KCNQ1: variants seen among roughly 807,000 people sequenced by gnomAD.
The protein encoded by KCNQ1 is potassium voltage-gated channel subfamily KQT member 1.
KCNQ1 carries 49 observed loss-of-function variants against 72.4 expected under a neutral mutation model. The observed-to-expected ratio is 0.68, with a 90% CI of 0.54 to 0.86. The LOEUF is 0.86. KCNQ1 is among the 40% of genes least tolerant of loss of function. KCNQ1 has a pLI of 0.00. For missense variants in KCNQ1, 790 were observed against 945.1 expected (o/e 0.84, Z 2.15); for synonymous variants, 450 against 412.6 (o/e 1.09, Z -1.10).
chr11:2,692,142 T>C (rs1035927792), intron 11 of KCNQ1: 8 of 398,582 alleles, frequency 2.0e-5, no homozygotes, highest in Non-Finnish European at 4.4e-6. Context: ...TGAAGGCCCC[T>C]GTCCTTTCAG....
intron 13 of KCNQ1, 51 bp downstream of exon 13, chr11:2,776,105 C>T (rs568156136): frequency 1.2e-5 from 17 of 1,450,842 alleles, no homozygotes; most frequent in African/African-American, 5.6e-5. Flanking sequence ...CTGCCCAGCC[C>T]GGCCCCAGCT....
At chr11:2,709,543 CGT>C (rs1850970536) in intron 11 of KCNQ1, among the ~76,000 whole-genome samples, 3 of 152,070 alleles carry the variant, frequency 2.0e-5, no homozygotes, top group African/African-American at 7.2e-5. Context: ...GTTTTTAGTA[CGT>C]TCAGAGTTGC....
intron 12 of KCNQ1, chr11:2,771,435 T>G (rs1846597584): frequency 6.6e-6 from 1 of 152,250 alleles, no homozygotes; most frequent in African/African-American, 2.4e-5. Flanking sequence ...GTTGGAGCAT[T>G]CGTTGAATAC....
At chr11:2,604,210 G>C (rs1485545029) in intron 10 of KCNQ1, among the ~76,000 whole-genome samples, 2 of 151,818 alleles carry the variant, frequency 1.3e-5, no homozygotes, top group Middle Eastern at 3.2e-3. Flanking sequence ...TGTGTTGGTG[G>C]CTCACACCTG....
At chr11:2,797,358 G>A (rs1847158746) in intron 15 of KCNQ1, among the ~76,000 whole-genome samples, 1 of 152,224 alleles carries the variant, frequency 6.6e-6, no homozygotes, top group Non-Finnish European at 1.5e-5. Flanking sequence ...CCCCCACTGG[G>A]CAGCCAGAGG....
rs1453101308 is a variant in KCNQ1, at chr11:2,599,461, T to G, written c.1393+10607T>G. 1.3e-5 allele frequency among the ~76,000 whole-genome samples: 2 copies of G among 152,222 alleles called. No individual in the cohort carries two copies. Among genetic ancestry groups the G allele is most frequent in the Non-Finnish European group, 2.9e-5 (2 of 68,038 alleles). ...CTGTGATGTTCTCTATCGCTTAAAA[T>G]TCATTTTGTTCAAGAACATAGGTTC... On this transcript the variant is annotated intron_variant, in intron 10 of 15. Coordinates refer to ENST00000155840, the MANE Select transcript of KCNQ1 (RefSeq NM_000218.3). This position sits in a 1 kb window ranked among gnomAD's most constrained non-coding sequence, Gnocchi z 4.7.
chr11:2,675,958 C>A (rs867994213), intron 11 of KCNQ1: 1 of 398,630 alleles, frequency 2.5e-6, no homozygotes. Context: ...ATTCAGAGTA[C>A]AAAAGGGGTG....
chr11:2,789,899 C>T (rs1401786244), intron 15 of KCNQ1, among the ~76,000 whole-genome samples: 2 of 152,164 alleles, frequency 1.3e-5, no homozygotes, highest in Non-Finnish European at 2.9e-5. Context: ...CTGGGAGGAC[C>T]ACCCCCAATC....
In KCNQ1 at chr11:2,704,682, G is replaced by A. The variant is rs180979078; in HGVS notation, c.1514+42601G>A. 4.6e-5 allele frequency among the ~76,000 whole-genome samples: 7 copies of A among 152,340 alleles called. No individual in the cohort carries two copies. Among genetic ancestry groups the A allele is most frequent in the Non-Finnish European group, 1.0e-4 (7 of 68,036 alleles). On this transcript the variant is annotated intron_variant, in intron 11 of 15. Transcript: ENST00000155840. The surrounding 1 kb of genome is among the most constrained non-coding windows in gnomAD (Gnocchi z 4.3). The stretch of plus-strand genomic sequence containing the variant: ...GGACTTGCCGTCACCCAGTGAGAGA[G>A]ATGGGAGGGTTGGAGAAAGCGAGCA...
At chr11:2,583,753 T>C (rs1466488611) in intron 7 of KCNQ1, among the ~76,000 whole-genome samples, 2 of 152,184 alleles carry the variant, frequency 1.3e-5, no homozygotes, top group Non-Finnish European at 2.9e-5. Context: ...CTGGGGTCCT[T>C]GCAGGCAGTG....
Position 2,603,413 on chromosome 11 carries a change from G to T in KCNQ1, c.1393+14559G>T, listed in dbSNP as rs928817003. 2.6e-5 allele frequency among the ~76,000 whole-genome samples: 4 copies of T among 152,116 alleles called. No individual in the cohort carries two copies. Among genetic ancestry groups the T allele is most frequent in the Non-Finnish European group, 5.9e-5 (4 of 68,012 alleles). Reference sequence around the variant, plus strand: ...TTTTTAAAAACACAATATCCACAAAGTGCAAAAAAGTGAAGTGTGCCTGTG... The same window carrying T: ...TTTTTAAAAACACAATATCCACAAATTGCAAAAAAGTGAAGTGTGCCTGTG... On this transcript the variant is annotated intron_variant, in intron 10 of 15. Transcript: ENST00000155840. This position sits in a 1 kb window ranked among gnomAD's most constrained non-coding sequence, Gnocchi z 4.1.
rs1848768968 is a variant in KCNQ1 at position 2,599,209 on chromosome 11, C to T, written c.1393+10355C>T. ...ATATAATATTCAATGAAATAAAATA[C>T]ATGTGACATAATGAAGGCATTATCA... On this transcript the variant is annotated intron_variant, in intron 10 of 15. Transcript: ENST00000155840. The surrounding 1 kb of genome is among the most constrained non-coding windows in gnomAD (Gnocchi z 4.7). Among the ~76,000 whole-genome samples, 1 of 152,154 alleles carries T rather than the reference C, an allele frequency of 6.6e-6. No individual in the cohort carries two copies. The highest frequency in any genetic ancestry group is 1.9e-4 in the East Asian group (1 of 5,192).
Position 2,848,135 on chromosome 11 carries a change from C to T in KCNQ1, c.*132C>T. The T allele has an allele frequency of 2.5e-6, 2 of 794,178 alleles. No individual in the cohort carries two copies. The highest frequency in any genetic ancestry group is 4.2e-6 in the Non-Finnish European group (2 of 472,422). 49.2% of individuals were successfully genotyped at this position (794,178 alleles called of 1,614,324 possible). ...AGCCCCACTCTCAGAGGCCCCAATACCCCATGGACCATGCTGTCTGGCACA... is the reference window on the plus strand; with the variant it reads ...AGCCCCACTCTCAGAGGCCCCAATATCCCATGGACCATGCTGTCTGGCACA... On this transcript the variant is annotated 3_prime_UTR_variant, in exon 16 of 16. Transcript: ENST00000155840.
At chr11:2,705,477 C>T (rs906846762) in intron 11 of KCNQ1, among the ~76,000 whole-genome samples, 68 of 152,114 alleles carry the variant, frequency 4.5e-4, no homozygotes, top group African/African-American at 1.5e-3. Context: ...GTGCCAGGCA[C>T]GGGGGGGTGG....
Position 2,598,078 on chromosome 11 carries a change from T to C in KCNQ1, c.1393+9224T>C, listed in dbSNP as rs760743045. On this transcript the variant is annotated intron_variant, in intron 10 of 15. Coordinates refer to ENST00000155840, the MANE Select transcript of KCNQ1 (RefSeq NM_000218.3). The surrounding 1 kb of genome is among the most constrained non-coding windows in gnomAD (Gnocchi z 6.2). ...CATTAATCTAAGCTTTTATAGCTAT[T>C]AATTCCCTTTTCTTGGCTAACTCTA... 6.6e-5 allele frequency among the ~76,000 whole-genome samples: 10 copies of C among 152,164 alleles called. No individual in the cohort carries two copies. Among genetic ancestry groups the C allele is most frequent in the Non-Finnish European group, 7.4e-5 (5 of 68,022 alleles).
At chr11:2,571,728 G>A (rs549238951) in intron 4 of KCNQ1, among the ~76,000 whole-genome samples, 1 of 152,252 alleles carries the variant, frequency 6.6e-6, no homozygotes, top group South Asian at 2.1e-4. Context: ...GTGACCCAAG[G>A]AGCCCCCCAG....
rs1209518785 is a variant in KCNQ1 at position 2,644,226 on chromosome 11, G to A, written c.1394-17735G>A. The A allele has an allele frequency of 2.3e-5, 9 of 398,234 alleles. No individual in the cohort carries two copies. In the East Asian group the frequency reaches 2.8e-4, roughly 13 times the overall value. 24.7% of individuals were successfully genotyped at this position (398,234 alleles called of 1,614,324 possible). A position where few individuals can be genotyped will look rare whatever the true frequency, so the allele number is the denominator to read the frequency against. ...CTCTTCACCTTCTGGGACACTGAAG[G>A]TGTCACCTTATGGCATCCTATAGTC... On this transcript the variant is annotated intron_variant, in intron 10 of 15. Coordinates refer to ENST00000155840, the MANE Select transcript of KCNQ1 (RefSeq NM_000218.3).
chr11:2,796,310 C>G (rs186080519), intron 15 of KCNQ1, among the ~76,000 whole-genome samples: 5 of 152,182 alleles, frequency 3.3e-5, no homozygotes, highest in African/African-American at 1.2e-4. Flanking sequence ...TTGAGATCAC[C>G]GCCTGGCTAA....
In KCNQ1 at chr11:2,658,734, T is replaced by C. The variant is rs899929474; in HGVS notation, c.1394-3227T>C. The C allele has an allele frequency of 2.1e-4, 84 of 398,498 alleles. 1 individual carries two copies. Among genetic ancestry groups the C allele is most frequent in the Non-Finnish European group, 3.5e-5 (8 of 226,070 alleles). The allele number at this position is 398,498 out of a possible 1,614,324, so 24.7% of individuals were successfully genotyped here. On this transcript the variant is annotated intron_variant, in intron 10 of 15. Transcript: ENST00000155840. This position sits in a 1 kb window ranked among gnomAD's most constrained non-coding sequence, Gnocchi z 4.9. The stretch of plus-strand genomic sequence containing the variant: ...GAGTACACATACATCTTTACATATC[T>C]GTATCTATATAAAGCTAACCATGAG...
Sources: allele counts gnomAD v4.1 joint callset (sites outside exome capture counted in the v4.1 genomes callset), GRCh38; gene constraint gnomAD v4.1.1; non-coding constraint Gnocchi (gnomAD v3.1); transcripts MANE v1.5; gene names NCBI Gene and HGNC (gene_info 2026-07-23, HGNC 2026-07-21).